IL3RA: variants seen among roughly 807,000 people sequenced by gnomAD.
IL3RA encodes interleukin 3 receptor subunit alpha.
A neutral mutation model predicts 52.3 loss-of-function variants in IL3RA; 73 were observed. The ratio of observed to expected loss-of-function variants is 1.40; its 90% CI spans 1.16 to 1.70. The LOEUF (loss-of-function observed/expected upper bound fraction) is 1.70. Ranked by LOEUF, IL3RA falls within the 40% of genes most tolerant of loss-of-function variation. The probability of loss-of-function intolerance (pLI) is 0.00; values close to 1 mark genes in which losing one functional copy is unlikely to be tolerated. For missense variants in IL3RA, 664 were observed against 504.4 expected (o/e 1.32, Z -3.03); for synonymous variants, 260 against 194.0 (o/e 1.34, Z -2.83).
chrX:1,355,258 G>T (rs1182195510), intron 6 of IL3RA, among the ~76,000 whole-genome samples: 10 of 47,866 alleles, frequency 2.1e-4, no homozygotes, highest in African/African-American at 6.2e-4. Context: ...GGAGAAGGAG[G>T]GGAGAGGATG....
chrX:1,338,949 G>A (rs186520857), intron 1 of IL3RA, among the ~76,000 whole-genome samples: 5 of 152,104 alleles, frequency 3.3e-5, no homozygotes, highest in South Asian at 4.2e-4. Context: ...ACAGGCACCC[G>A]CAACTACGCC....
In IL3RA at chrX:1,345,297, C is replaced by T. The variant is rs769008112; in HGVS notation, c.65-19C>T. ...GATTCTTACGTATCTCTTCGAACTC[C>T]AACCTGTCACCGTTTTAGATCCAAA... On this transcript the variant is annotated intron_variant, in intron 2 of 11. Coordinates refer to ENST00000331035, the MANE Select transcript of IL3RA (RefSeq NM_002183.4). The T allele has an allele frequency of 1.9e-6, 3 of 1,570,030 alleles. No homozygotes were observed. Among genetic ancestry groups the T allele is most frequent in the East Asian group, 2.2e-5 (1 of 44,616 alleles).
At chrX:1,351,215 A>T (rs2086067978) in intron 4 of IL3RA, among the ~76,000 whole-genome samples, 2 of 152,294 alleles carry the variant, frequency 1.3e-5, no homozygotes, top group South Asian at 4.1e-4. Flanking sequence ...AAAATGAATA[A>T]ATAAATCATT....
In IL3RA at chrX:1,382,568, A is replaced by C; in HGVS notation, c.*103A>C. ...ACCTGCGCACGCAGCCCAGGAATGG[A>C]CATTCCTAACGGGTGGTGGGCATGG... is the stretch of plus-strand genomic sequence containing the variant. On this transcript the variant is annotated 3_prime_UTR_variant, in exon 12 of 12. Transcript: ENST00000331035. The C allele has an allele frequency of 1.2e-5, 13 of 1,050,434 alleles. No individual in the cohort carries two copies. Among genetic ancestry groups the C allele is most frequent in the Non-Finnish European group, 1.9e-5 (13 of 668,896 alleles). 65.1% of individuals were successfully genotyped at this position (1,050,434 alleles called of 1,614,324 possible).
rs762041799 is a variant in IL3RA, at chrX:1,345,454, G to GT, written c.183+27dup. The stretch of plus-strand genomic sequence containing the variant: ...ATGCCGGTAAATCATACTCTCTATT[G>GT]TTTTTTTATTTTTATTTTATTTATT... On this transcript the variant is annotated intron_variant, in intron 3 of 11. Transcript: ENST00000331035. The GT allele has an allele frequency of 2.1e-5, 29 of 1,403,378 alleles. No homozygotes were observed. The East Asian group carries it at 4.5e-4, about 22-fold the overall frequency. The allele number at this position is 1,403,378 out of a possible 1,614,324, so 86.9% of individuals were successfully genotyped here.
At chrX:1,348,883 CGT>C (rs375816828) in intron 4 of IL3RA, among the ~76,000 whole-genome samples, 37 of 50,374 alleles carry the variant, frequency 7.3e-4, no homozygotes, top group African/African-American at 3.3e-4. Context: ...CCTTCCCTTT[CGT>C]TTTCTTTTCC....
chrX:1,346,346 G>A (rs1342130859), intron 3 of IL3RA, among the ~76,000 whole-genome samples: 2 of 151,970 alleles, frequency 1.3e-5, no homozygotes, highest in Non-Finnish European at 2.9e-5. Flanking sequence ...GGCTGAGGCA[G>A]GAGAATCGCT....
chrX:1,338,330 A>G (rs1355177944), intron 1 of IL3RA, among the ~76,000 whole-genome samples: 1 of 151,766 alleles, frequency 6.6e-6, no homozygotes, highest in Non-Finnish European at 1.5e-5. Context: ...TTTATTCACA[A>G]TAGCCAAGAG....
chrX:1,343,754 A>G (rs2085592579), intron 2 of IL3RA, among the ~76,000 whole-genome samples: 1 of 147,308 alleles, frequency 6.8e-6, no homozygotes, highest in African/African-American at 2.5e-5. Context: ...TGGCTAAGAG[A>G]GACCTTCTTT....
chrX:1,381,679 G>A (rs2149231265), intron 11 of IL3RA, among the ~76,000 whole-genome samples: 1 of 151,712 alleles, frequency 6.6e-6, no homozygotes. Context: ...CGAGTAGCTG[G>A]GACTACAGGC....
chrX:1,378,786 C>A, intron 10 of IL3RA, 22 bp downstream of exon 10: 1 of 1,595,814 alleles, frequency 6.3e-7, no homozygotes, highest in Non-Finnish European at 8.6e-7. Flanking sequence ...AGGGCGTCCG[C>A]GAGCGTCGCT....
At chrX:1,346,360 AC>A (rs1410396814) in intron 3 of IL3RA, among the ~76,000 whole-genome samples, 1 of 151,782 alleles carries the variant, frequency 6.6e-6, no homozygotes, top group African/African-American at 2.4e-5. Context: ...AATCGCTTGA[AC>A]CCGGGAGGCA....
chrX:1,380,947 C>G (rs1180572338), intron 10 of IL3RA, 76 bp from the exon 11 acceptor site: 1 of 1,269,800 alleles, frequency 7.9e-7, no homozygotes, highest in Non-Finnish European at 1.2e-6. Context: ...CACTGTCTGT[C>G]CTGGACACGC....
chrX:1,367,545 A>AGCCGGGTGCGCGGGGTGC, intron 9 of IL3RA, among the ~76,000 whole-genome samples: 1 of 74,900 alleles, frequency 1.3e-5, no homozygotes, highest in Non-Finnish European at 2.4e-5. Context: ...GCGCGGCGTG[A>AGCCGGGTGCGCGGGGTGC]GCCGGGTGCG....
At position 1,382,648 on chromosome X, in the gene IL3RA, G is replaced by C; in HGVS notation, c.*183G>C. 1 of 628,908 alleles carries C rather than the reference G, an allele frequency of 1.6e-6. No individual in the cohort carries two copies. Among genetic ancestry groups the C allele is most frequent in the Non-Finnish European group, 2.9e-6 (1 of 346,284 alleles). The allele number at this position is 628,908 out of a possible 1,614,324, so 39.0% of individuals were successfully genotyped here. A position where few individuals can be genotyped will look rare whatever the true frequency, so the allele number is the denominator to read the frequency against. On this transcript the variant is annotated 3_prime_UTR_variant, in exon 12 of 12. Coordinates refer to ENST00000331035, the MANE Select transcript of IL3RA (RefSeq NM_002183.4). The stretch of plus-strand genomic sequence containing the variant: ...GCCAGGAAGAAGAACAGAACTTTGT[G>C]TGTTTATTTCATGATAAAGTGATTT...
At chrX:1,367,624 T>G in intron 9 of IL3RA, among the ~76,000 whole-genome samples, 1 of 86,754 alleles carries the variant, frequency 1.2e-5, no homozygotes, top group Admixed American at 1.2e-4. Context: ...GTGCGCGGGG[T>G]GAGCGGGGTG....
intron 2 of IL3RA, 96 bp from the exon 3 acceptor site, chrX:1,345,220 C>A (rs1438619898): frequency 2.8e-6 from 2 of 708,032 alleles, no homozygotes; most frequent in Non-Finnish European, 4.7e-6. Flanking sequence ...AAGGTATTGG[C>A]TAACTCCACG....
chrX:1,342,647 A>C (rs2085537655), intron 2 of IL3RA, among the ~76,000 whole-genome samples: 1 of 142,958 alleles, frequency 7.0e-6, no homozygotes, highest in South Asian at 2.2e-4. Flanking sequence ...TGCAACCTCT[A>C]CCTGCTGGGT....
chrX:1,382,239 G>C (rs1255194089), intron 11 of IL3RA, 152 bp from the exon 12 acceptor site: 1 of 717,280 alleles, frequency 1.4e-6, no homozygotes, highest in African/African-American at 1.7e-5. Context: ...GTGACCCACC[G>C]CGCCTGGCCC....
Sources: gnomAD v4.1 joint callset for allele counts (sites outside exome capture counted in the v4.1 genomes callset) on GRCh38, gnomAD v4.1.1 for gene constraint, MANE v1.5 for transcripts, NCBI Gene and HGNC (gene_info 2026-07-23, HGNC 2026-07-21) for gene names.